The following APH1B variants were observed in gnomAD, a reference collection of about 807,000 sequenced individuals.
The protein encoded by APH1B is gamma-secretase subunit APH-1B.
In APH1B, 27 loss-of-function variants were observed where a neutral mutation model predicts 28.2. The observed-to-expected ratio is 0.96, with a 90% CI of 0.70 to 1.32. The LOEUF is 1.32. Among genes scored for constraint, APH1B ranks in the 40% most tolerant of loss-of-function variants. The pLI, the probability that APH1B is intolerant of heterozygous loss-of-function variation, is 0.00. For synonymous variants in APH1B, 141 were observed against 124.6 expected (o/e 1.13, Z -0.88); for missense variants, 305 against 313.6 (o/e 0.97, Z 0.21).
intron 4 of APH1B, among the ~76,000 whole-genome samples, chr15:63,288,285 A>C (rs2038468606): frequency 6.6e-6 from 1 of 152,228 alleles, no homozygotes; most frequent in South Asian, 2.1e-4. Flanking sequence ...ATAAGGGAAT[A>C]AGAGAAAAAA....
intron 5 of APH1B, among the ~76,000 whole-genome samples, chr15:63,303,826 G>T (rs1040470651): frequency 6.6e-6 from 1 of 151,448 alleles, no homozygotes; most frequent in Non-Finnish European, 1.5e-5. Context: ...TGGTACTGCT[G>T]TGAACGTTCT....
Position 63,287,178 on chromosome 15 carries a change from A to G in APH1B, c.356-246A>G, listed in dbSNP as rs989774920. On this transcript the variant is annotated intron_variant, in intron 3 of 5. Coordinates refer to ENST00000261879, the MANE Select transcript of APH1B (RefSeq NM_031301.4). ...TCACCTATTTCTTCTGTGCCTTTCT[A>G]GACCCTTTTCTCCCCTTTTTCATTA... The G allele has an allele frequency of 7.3e-6, 3 of 411,286 alleles. 1 individual carries two copies. The highest frequency in any genetic ancestry group is 1.3e-5 in the Non-Finnish European group (3 of 228,136). The allele number at this position is 411,286 out of a possible 1,614,324, so 25.5% of individuals were successfully genotyped here.
At chr15:63,279,871 C>T (rs2038367295) in intron 2 of APH1B, among the ~76,000 whole-genome samples, 1 of 150,238 alleles carries the variant, frequency 6.7e-6, no homozygotes, top group South Asian at 2.1e-4. Context: ...AATCTCAGCT[C>T]ACGGCAACCT....
chr15:63,284,301 C>T (rs1251726251), intron 2 of APH1B, among the ~76,000 whole-genome samples: 3 of 151,578 alleles, frequency 2.0e-5, no homozygotes, highest in South Asian at 2.1e-4. Context: ...GCAGCCTCCA[C>T]CTCCTTGGCT....
Position 63,305,703 on chromosome 15 carries a change from A to G in APH1B, c.696A>G (p.Gly232=), listed in dbSNP as rs200010163. 9.9e-6 allele frequency: 16 copies of G among 1,614,056 alleles called. No individual in the cohort carries two copies. The highest frequency in any genetic ancestry group is 1.4e-5 in the Non-Finnish European group (16 of 1,180,030). Residue 232 remains glycine, a synonymous_variant, in exon 6 of 6, where the codon GGA becomes GGG. Transcript: ENST00000261879. ...LMGTWAFLAA[G]GSCRSLKLCL... ...GCACCTGGGCATTCTTAGCTGCGGGAGGCAGCTGCCGAAGCCTGAAACTCT... is the reference window on the plus strand; with the variant it reads ...GCACCTGGGCATTCTTAGCTGCGGGGGGCAGCTGCCGAAGCCTGAAACTCT...
At chr15:63,292,874 C>T (rs989803913) in intron 4 of APH1B, among the ~76,000 whole-genome samples, 6 of 152,222 alleles carry the variant, frequency 3.9e-5, no homozygotes, top group East Asian at 1.9e-4. Context: ...AGTGTGTAAG[C>T]AGGCAGCTCA....
chr15:63,295,540 C>G (rs910964546), intron 4 of APH1B, among the ~76,000 whole-genome samples: 1 of 152,168 alleles, frequency 6.6e-6, no homozygotes, highest in Non-Finnish European at 1.5e-5. Flanking sequence ...GATCAGTGAG[C>G]AGGAGTTAGA....
rs541044683 is a variant in APH1B at position 63,296,697 on chromosome 15, G to T, written c.479-5648G>T. Among the ~76,000 whole-genome samples the T allele has an allele frequency of 7.7e-5, 11 of 143,736 alleles. No homozygotes were observed. The South Asian group carries it at 1.5e-3, about 20-fold the overall frequency. The allele number at this position is 143,736 out of a possible 152,430, so 94.3% of individuals were successfully genotyped here. On this transcript the variant is annotated intron_variant, in intron 4 of 5. Coordinates refer to ENST00000261879, the MANE Select transcript of APH1B (RefSeq NM_031301.4). The stretch of plus-strand genomic sequence containing the variant: ...TTTTGAGACGGAGTCTTGCTCTGTC[G>T]CCCAGGCTGGAATGCAGTGGTGCCA...
chr15:63,282,328 T>C (rs188883363), intron 2 of APH1B, among the ~76,000 whole-genome samples: 25 of 152,342 alleles, frequency 1.6e-4, no homozygotes, highest in South Asian at 8.3e-4. Context: ...GTGGAGAGTT[T>C]ATACCAGTTT....
At chr15:63,300,573 C>T (rs1209628536) in intron 4 of APH1B, among the ~76,000 whole-genome samples, 1 of 152,232 alleles carries the variant, frequency 6.6e-6, no homozygotes, top group Non-Finnish European at 1.5e-5. Flanking sequence ...CACCAAGCAT[C>T]TCTCTCCAGG....
intron 4 of APH1B, among the ~76,000 whole-genome samples, chr15:63,297,127 G>T (rs2038576739): frequency 6.6e-6 from 1 of 152,238 alleles, no homozygotes; most frequent in Admixed American, 6.5e-5. Flanking sequence ...TCTGATTAAT[G>T]TATTACAACA....
rs1285108399 is a variant in APH1B at position 63,277,733 on chromosome 15, C to A, written c.110C>A (p.Ala37Asp). The A allele has an allele frequency of 6.2e-7, 1 of 1,609,574 alleles. No homozygotes were observed. Among genetic ancestry groups the A allele is most frequent in the African/African-American group, 1.3e-5 (1 of 74,482 alleles). Residue 37 changes from alanine to aspartate, a missense_variant, in exon 1 of 6, where the codon GCC becomes GAC. Ala to Asp is a moderately radical substitution (Grantham distance 126). Transcript: ENST00000261879. ...CCGTTGCGTATCATCTTCCTCATCG[C>A]CGGGTGAGGCGGTCGCGTCGGGAAA... The part of the protein sequence containing the change: ...TEPLRIIFLI[A>D]GAFFWLVSLL...
intron 4 of APH1B, among the ~76,000 whole-genome samples, chr15:63,296,756 C>T (rs904089898): frequency 6.7e-6 from 1 of 149,100 alleles, no homozygotes; most frequent in African/African-American, 2.5e-5. Context: ...CTCCTGGGTT[C>T]GAGCGATTCT....
chr15:63,279,266 C>A lies in APH1B; in HGVS notation c.219C>A (p.Ile73=). ...GACCAACACAGAAATATCTGCTGAT[C>A]TTTGGAGCGTTTGTCTCTGTCTATA... ...KDGPTQKYLL[I]FGAFVSVYIQ... The change falls in exon 2 of 6, where the codon ATC becomes ATA. Residue 73 remains isoleucine (I), a synonymous_variant. Coordinates refer to ENST00000261879, the MANE Select transcript of APH1B (RefSeq NM_031301.4). The A allele has an allele frequency of 1.9e-6, 3 of 1,612,410 alleles. No individual in the cohort carries two copies. The South Asian group carries it at 3.3e-5, about 18-fold the overall frequency.
intron 5 of APH1B, 67 bp downstream of exon 5, chr15:63,302,539 T>C: frequency 1.9e-6 from 3 of 1,540,632 alleles, no homozygotes; most frequent in Non-Finnish European, 2.6e-6. Flanking sequence ...AATGGTAAAT[T>C]CTACTCTAGA....
intron 2 of APH1B, among the ~76,000 whole-genome samples, chr15:63,284,858 T>C (rs984139293): frequency 1.6e-4 from 24 of 152,232 alleles, no homozygotes; most frequent in African/African-American, 5.8e-4. Context: ...ATACAAGTCT[T>C]TTATTTATTA....
intron 4 of APH1B, among the ~76,000 whole-genome samples, chr15:63,289,934 T>C (rs1332983415): frequency 6.6e-6 from 1 of 151,764 alleles, no homozygotes; most frequent in Non-Finnish European, 1.5e-5. Context: ...GCCCGGGAGG[T>C]TGAGACTGCA....
intron 4 of APH1B, among the ~76,000 whole-genome samples, chr15:63,298,664 T>C (rs907602644): frequency 1.3e-5 from 2 of 152,352 alleles, no homozygotes. Context: ...ACACGGTAGC[T>C]ACCACATATT....
In APH1B at chr15:63,278,501, C is replaced by A. The variant is rs894695010; in HGVS notation, c.114-660C>A. ...TCTGCGTTTCTTCACCTCCCACAAA[C>A]GTATTGAAAGTGCTTCGCTGCATGT... On this transcript the variant is annotated intron_variant, in intron 1 of 5. Coordinates refer to ENST00000261879, the MANE Select transcript of APH1B (RefSeq NM_031301.4). The A allele has an allele frequency of 8.1e-6, 3 of 372,404 alleles. No homozygotes were observed. The Admixed American group carries it at 1.1e-4, about 13-fold the overall frequency. 23.1% of individuals were successfully genotyped at this position (372,404 alleles called of 1,614,324 possible).
Sources: allele counts gnomAD v4.1 joint callset (sites outside exome capture counted in the v4.1 genomes callset), GRCh38; gene constraint gnomAD v4.1.1; transcripts MANE v1.5; gene names NCBI Gene and HGNC (gene_info 2026-07-23, HGNC 2026-07-21).